The following SLC24A3 variants were observed in gnomAD, a reference collection of about 807,000 sequenced individuals.
SLC24A3 encodes the protein sodium/potassium/calcium exchanger 3.
A neutral mutation model predicts 75.8 loss-of-function variants in SLC24A3; 28 were observed. That is an observed-to-expected ratio of 0.37 (90% CI 0.27 to 0.51). The LOEUF (loss-of-function observed/expected upper bound fraction) is 0.51. Ranked by LOEUF, SLC24A3 falls within the 20% of genes least tolerant of loss-of-function variation. The pLI is 0.94. For missense variants in SLC24A3, 663 were observed against 847.8 expected, an observed-to-expected ratio of 0.78 and a Z score of 2.71; for synonymous variants, 372 against 334.1, an observed-to-expected ratio of 1.11 and a Z score of -1.24.
At chr20:19,376,087 C>CAAG (rs1463415875) in intron 2 of SLC24A3, among the ~76,000 whole-genome samples, 21 of 152,032 alleles carry the variant, frequency 1.4e-4, no homozygotes, top group African/African-American at 5.1e-4. Flanking sequence ...ATATGTGCAA[C>CAAG]TGTGTGAGTG....
intron 1 of SLC24A3, among the ~76,000 whole-genome samples, chr20:19,225,111 T>C (rs1981837709): frequency 6.6e-6 from 1 of 152,242 alleles, no homozygotes; most frequent in African/African-American, 2.4e-5. Context: ...TAACCTCATA[T>C]AACCATTAGG....
chr20:19,525,060 C>A (rs1340302071), intron 3 of SLC24A3, among the ~76,000 whole-genome samples: 1 of 152,206 alleles, frequency 6.6e-6, no homozygotes, highest in Non-Finnish European at 1.5e-5. Context: ...CTTATCATGA[C>A]TTGAGACTTC....
At chr20:19,356,929 T>A (rs937580954) in intron 2 of SLC24A3, among the ~76,000 whole-genome samples, 14 of 152,154 alleles carry the variant, frequency 9.2e-5, no homozygotes, top group Non-Finnish European at 2.9e-5. Flanking sequence ...TTAATTTGAC[T>A]TCCCTGGTTA....
chr20:19,642,869 C>A (rs1214294448), intron 6 of SLC24A3, among the ~76,000 whole-genome samples: 1 of 152,192 alleles, frequency 6.6e-6, no homozygotes, highest in Non-Finnish European at 1.5e-5. Flanking sequence ...CAGATCAAAC[C>A]TAGATGTGTT....
intron 8 of SLC24A3, among the ~76,000 whole-genome samples, chr20:19,666,711 T>C (rs945644343): frequency 1.3e-5 from 2 of 151,540 alleles, no homozygotes; most frequent in African/African-American, 2.4e-5. Flanking sequence ...TGGCCCGGCA[T>C]GGTGGCTCAT....
chr20:19,700,258 T>C (rs1167093311), intron 15 of SLC24A3, among the ~76,000 whole-genome samples: 1 of 152,234 alleles, frequency 6.6e-6, no homozygotes, highest in Non-Finnish European at 1.5e-5. Context: ...GTTCCCATCC[T>C]GGCAGCTCTC....
chr20:19,487,157 C>T (rs958965788), intron 2 of SLC24A3, among the ~76,000 whole-genome samples: 2 of 152,264 alleles, frequency 1.3e-5, no homozygotes, highest in Middle Eastern at 3.4e-3. Context: ...TCTTCTTTAG[C>T]GTCTCCCATA....
At chr20:19,274,417 T>C (rs952326071) in intron 1 of SLC24A3, among the ~76,000 whole-genome samples, 1 of 152,082 alleles carries the variant, frequency 6.6e-6, no homozygotes, top group Non-Finnish European at 1.5e-5. Flanking sequence ...GGAATGAATG[T>C]ATGGCCCTGT....
At chr20:19,311,469 A>G (rs896909401) in intron 2 of SLC24A3, among the ~76,000 whole-genome samples, 4 of 152,152 alleles carry the variant, frequency 2.6e-5, no homozygotes, top group African/African-American at 4.8e-5. Flanking sequence ...CAGGGATCAC[A>G]TGCGGAAGGT....
intron 1 of SLC24A3, among the ~76,000 whole-genome samples, chr20:19,237,916 G>A (rs1024819505): frequency 6.6e-6 from 1 of 152,128 alleles, no homozygotes; most frequent in Non-Finnish European, 1.5e-5. Context: ...GTGCCTGAGC[G>A]GCTGTAACAT....
chr20:19,362,969 T>C (rs1460088829), intron 2 of SLC24A3, among the ~76,000 whole-genome samples: 1 of 152,266 alleles, frequency 6.6e-6, no homozygotes, highest in East Asian at 1.9e-4. Flanking sequence ...CAAACACGGT[T>C]AAGTATTTGG....
At chr20:19,495,359 A>G (rs1037672870) in intron 2 of SLC24A3, among the ~76,000 whole-genome samples, 1 of 152,202 alleles carries the variant, frequency 6.6e-6, no homozygotes, top group African/African-American at 2.4e-5. Flanking sequence ...TCATCTGTCT[A>G]TGAGAACTCC....
chr20:19,319,011 G>A (rs995053384), intron 2 of SLC24A3, among the ~76,000 whole-genome samples: 2 of 152,076 alleles, frequency 1.3e-5, no homozygotes. Flanking sequence ...TCCTGGTCTT[G>A]GTGATGTGAG....
At chr20:19,705,908 T>C (rs753445013) in intron 15 of SLC24A3, among the ~76,000 whole-genome samples, 7 of 152,180 alleles carry the variant, frequency 4.6e-5, no homozygotes, top group Non-Finnish European at 8.8e-5. Context: ...AAGAAATCTT[T>C]CTAAAAGTCA....
At chr20:19,580,103 G>T in intron 4 of SLC24A3, 29 bp downstream of exon 4, 1 of 1,593,220 alleles carries the variant, frequency 6.3e-7, no homozygotes, top group African/African-American at 1.3e-5. Context: ...TGGTATGTGT[G>T]AGCCAGACTG....
At chr20:19,235,671 A>G (rs1157979278) in intron 1 of SLC24A3, among the ~76,000 whole-genome samples, 3 of 151,606 alleles carry the variant, frequency 2.0e-5, no homozygotes, top group African/African-American at 7.3e-5. Flanking sequence ...GGCCCTCTAG[A>G]CCCCAACCCC....
At chr20:19,371,084 A>G (rs1307441086) in intron 2 of SLC24A3, among the ~76,000 whole-genome samples, 2 of 152,116 alleles carry the variant, frequency 1.3e-5, no homozygotes, top group Non-Finnish European at 2.9e-5. Context: ...GGTGCAGTGC[A>G]TCCCTCTGGG....
At chr20:19,369,657 TA>T (rs1044008305) in intron 2 of SLC24A3, among the ~76,000 whole-genome samples, 14 of 152,290 alleles carry the variant, frequency 9.2e-5, no homozygotes, top group South Asian at 2.1e-4. Context: ...GAAAATACAC[TA>T]AAATACTTAG....
intron 2 of SLC24A3, among the ~76,000 whole-genome samples, chr20:19,409,993 A>G (rs1001166983): frequency 2.0e-5 from 3 of 152,136 alleles, no homozygotes; most frequent in African/African-American, 7.2e-5. Context: ...ATTTTTAATG[A>G]TACATGCATC....
Sources: allele counts gnomAD v4.1 joint callset (sites outside exome capture counted in the v4.1 genomes callset), GRCh38; gene constraint gnomAD v4.1.1; transcripts MANE v1.5; gene names NCBI Gene and HGNC (gene_info 2026-07-23, HGNC 2026-07-21).